The following PM20D2 variants were observed in gnomAD, a reference collection of about 807,000 sequenced individuals.
PM20D2 encodes xaa-Arg dipeptidase.
Under a neutral mutation model 42.9 loss-of-function variants are expected in PM20D2, and 33 were observed. The ratio of observed to expected loss-of-function variants is 0.77; its 90% CI spans 0.58 to 1.03. PM20D2 has a LOEUF of 1.03. PM20D2 is among the 50% of genes least tolerant of loss of function. The pLI is 0.00. For missense variants in PM20D2, 548 were observed against 557.0 expected (o/e 0.98, Z 0.16); for synonymous variants, 250 against 228.2 (o/e 1.10, Z -0.86).
the PM20D2 span, among the ~76,000 whole-genome samples, chr6:89,116,806 T>C: frequency 6.0e-5 from 9 of 150,280 alleles, no homozygotes; most frequent in Non-Finnish European, 1.2e-4. Flanking sequence ...AAATAAAAAA[T>C]ACTTAACGTT....
the PM20D2 span, chr6:89,105,942 C>T: frequency 1.3e-5 from 2 of 152,596 alleles, no homozygotes; most frequent in African/African-American, 4.8e-5. Context: ...TATCAGCATG[C>T]AGAAGCCTTT....
At chr6:89,110,049 C>T in the PM20D2 span, among the ~76,000 whole-genome samples, 2 of 152,104 alleles carry the variant, frequency 1.3e-5, no homozygotes, top group East Asian at 3.9e-4. Context: ...CAAGATCATG[C>T]CACTGCACTC....
the PM20D2 span, among the ~76,000 whole-genome samples, chr6:89,129,578 T>G: frequency 0.013 from 1,887 of 145,550 alleles, 21 homozygotes; most frequent in South Asian, 0.04. Context: ...CCCTCTTCTC[T>G]CTGTTTCTAA....
the PM20D2 span, among the ~76,000 whole-genome samples, chr6:89,112,735 C>T: frequency 0.063 from 9,532 of 152,062 alleles, 865 homozygotes; most frequent in African/African-American, 0.2. Flanking sequence ...CCATATATAG[C>T]TTTTTCCTTT....
At chr6:89,159,323 A>G (rs1771156626) in intron 5 of PM20D2, among the ~76,000 whole-genome samples, 1 of 152,194 alleles carries the variant, frequency 6.6e-6, no homozygotes, top group Admixed American at 6.5e-5. Context: ...CAATCAGGAG[A>G]GAGGAGAAGT....
At chr6:89,101,798 G>A in the PM20D2 span, among the ~76,000 whole-genome samples, 1 of 151,982 alleles carries the variant, frequency 6.6e-6, no homozygotes, top group Non-Finnish European at 1.5e-5. Flanking sequence ...CTCACTATGG[G>A]TATCAGAAAA....
the PM20D2 span, among the ~76,000 whole-genome samples, chr6:89,128,650 C>T: frequency 1.3e-5 from 2 of 152,160 alleles, no homozygotes; most frequent in Non-Finnish European, 2.9e-5. Context: ...TACACCCCCT[C>T]CCCTTTTGAA....
At chr6:89,121,381 T>C in the PM20D2 span, among the ~76,000 whole-genome samples, 3 of 152,102 alleles carry the variant, frequency 2.0e-5, no homozygotes, top group Non-Finnish European at 4.4e-5. Flanking sequence ...AACTAAGGAA[T>C]GTTACAGTCA....
upstream of PM20D2, among the ~76,000 whole-genome samples, chr6:89,142,207 C>G (rs1770343060): frequency 6.6e-6 from 1 of 152,192 alleles, no homozygotes; most frequent in Admixed American, 6.5e-5. Context: ...CTCACCTACT[C>G]TCTTAGTTGT....
At chr6:89,106,279 A>G in the PM20D2 span, among the ~76,000 whole-genome samples, 1 of 82,918 alleles carries the variant, frequency 1.2e-5, no homozygotes, top group Non-Finnish European at 3.1e-5. Flanking sequence ...CACCCGGCTA[A>G]TTTTTGTATT....
At chr6:89,113,800 A>T in the PM20D2 span, among the ~76,000 whole-genome samples, 2 of 151,986 alleles carry the variant, frequency 1.3e-5, no homozygotes, top group East Asian at 3.9e-4. Context: ...GCACTACCAC[A>T]CCTGGCTAAT....
At chr6:89,162,041 T>C in intron 6 of PM20D2, 68 bp from the exon 7 acceptor site, 1 of 1,560,442 alleles carries the variant, frequency 6.4e-7, no homozygotes, top group East Asian at 2.3e-5. Flanking sequence ...GAGATACGGG[T>C]AGCTAACCTG....
the PM20D2 span, among the ~76,000 whole-genome samples, chr6:89,130,346 G>C: frequency 6.6e-6 from 1 of 151,908 alleles, no homozygotes; most frequent in Admixed American, 6.6e-5. Context: ...AGATCCTCCT[G>C]CTGTGGCCTC....
Position 89,154,939 on chromosome 6 carries a change from G to A in PM20D2, c.912+37G>A, listed in dbSNP as rs75143311. ...TAAAAGTTAATCTAAGTTACAATCA[G>A]AGGTATATATGTGGGCTAGCACTGT... On this transcript the variant is annotated intron_variant, in intron 4 of 6. Transcript: ENST00000275072. 1,938 of 1,527,588 alleles carry A rather than the reference G, an allele frequency of 1.3e-3. 31 individuals carry two copies. In the African/African-American group the frequency reaches 0.025, roughly 20 times the overall value. 94.6% of individuals were successfully genotyped at this position (1,527,588 alleles called of 1,614,324 possible).
rs1039028575 is a variant in PM20D2 at position 89,146,475 on chromosome 6, C to T, written c.331C>T (p.Leu111Phe). 3.3e-6 allele frequency: 5 copies of T among 1,524,132 alleles called. No individual in the cohort carries two copies. The highest frequency in any genetic ancestry group is 4.4e-6 in the Non-Finnish European group (5 of 1,143,124). 94.4% of individuals were successfully genotyped at this position (1,524,132 alleles called of 1,614,324 possible). The change falls in exon 1 of 7, where the codon CTC (leucine) becomes TTC (phenylalanine). Residue 111 changes from leucine (L) to phenylalanine (F), a missense_variant. Transcript: ENST00000275072. ...GCCACGCCCGCTGCACCTGGGCTTC[C>T]TCTGCGAGTACGACGCGCTGCCCGG... ...ATPRPLHLGF[L>F]CEYDALPGIG...
the PM20D2 span, among the ~76,000 whole-genome samples, chr6:89,120,062 GTTTC>G: frequency 6.6e-6 from 1 of 152,164 alleles, no homozygotes; most frequent in Non-Finnish European, 1.5e-5. Context: ...AGCGAAAGGG[GTTTC>G]CCCTTATAAA....
the PM20D2 span, among the ~76,000 whole-genome samples, chr6:89,137,522 C>G: frequency 6.6e-6 from 1 of 152,184 alleles, no homozygotes; most frequent in Non-Finnish European, 1.5e-5. Flanking sequence ...TTAATATGAT[C>G]TTGCATGAAA....
the PM20D2 span, chr6:89,098,675 C>T: frequency 6.2e-7 from 1 of 1,613,738 alleles, no homozygotes; most frequent in East Asian, 2.2e-5. Context: ...ATTGGTATAC[C>T]CTTTGGGAGA....
chr6:89,116,851 C>T, the PM20D2 span, among the ~76,000 whole-genome samples: 1,845 of 152,080 alleles, frequency 0.012, 25 homozygotes, highest in Non-Finnish European at 0.015. Flanking sequence ...TAATACTCAT[C>T]TCAGATGACT....
Sources: allele counts gnomAD v4.1 joint callset (sites outside exome capture counted in the v4.1 genomes callset), GRCh38; gene constraint gnomAD v4.1.1; transcripts MANE v1.5; gene names NCBI Gene and HGNC (gene_info 2026-07-23, HGNC 2026-07-21).